MTUS2: variants seen among roughly 807,000 people sequenced by gnomAD.
MTUS2 encodes microtubule associated scaffold protein 2, also known as microtubule-associated tumor suppressor candidate 2.
Under a neutral mutation model 114.1 loss-of-function variants are expected in MTUS2, and 40 were observed. That is an observed-to-expected ratio of 0.35 (90% CI 0.27 to 0.46). MTUS2 has a LOEUF of 0.46. Ranked by LOEUF, MTUS2 falls within the 20% of genes least tolerant of loss-of-function variation. The pLI is 1.00. For missense variants in MTUS2, 1,679 were observed against 1,705.4 expected, an observed-to-expected ratio of 0.98 and a Z score of 0.27; for synonymous variants, 688 against 672.0, an observed-to-expected ratio of 1.02 and a Z score of -0.37.
chr13:28,875,211 C>T (rs563867716), intron 2 of MTUS2, among the ~76,000 whole-genome samples: 1 of 151,914 alleles, frequency 6.6e-6, no homozygotes, highest in Non-Finnish European at 1.5e-5. Context: ...ATAATGGATG[C>T]TCAGTAAAAA....
chr13:28,912,278 C>A (rs1206541898), intron 2 of MTUS2, among the ~76,000 whole-genome samples: 1 of 152,122 alleles, frequency 6.6e-6, no homozygotes, highest in Admixed American at 6.6e-5. Flanking sequence ...ACCCTTTCCC[C>A]ATTACTTGTT....
intron 2 of MTUS2, among the ~76,000 whole-genome samples, chr13:28,923,361 T>C (rs327122): frequency 0.87 from 132,846 of 152,216 alleles, 58,217 homozygotes; most frequent in East Asian, 0.91. Context: ...GACATTTTGG[T>C]TATTCCATTG....
intron 4 of MTUS2, among the ~76,000 whole-genome samples, chr13:29,050,159 C>A (rs1445575818): frequency 6.6e-6 from 1 of 152,148 alleles, no homozygotes; most frequent in African/African-American, 2.4e-5. Context: ...GAGCCTGGGT[C>A]CCTAGGAAAC....
intron 4 of MTUS2, among the ~76,000 whole-genome samples, chr13:29,041,658 C>T (rs770431544): frequency 6.6e-6 from 1 of 151,868 alleles, no homozygotes; most frequent in Non-Finnish European, 1.5e-5. Context: ...AGGTCTTTCC[C>T]CTCTTTGGTT....
chr13:28,832,197 C>G (rs942954595), intron 1 of MTUS2, among the ~76,000 whole-genome samples: 1 of 152,164 alleles, frequency 6.6e-6, no homozygotes, highest in African/African-American at 2.4e-5. Context: ...ACACTTCACC[C>G]AGTGGTAGCA....
intron 3 of MTUS2, among the ~76,000 whole-genome samples, chr13:29,030,993 C>T (rs17571928): frequency 0.45 from 68,936 of 151,896 alleles, 16,459 homozygotes; most frequent in South Asian, 0.72. Context: ...AACAGGTGCC[C>T]TCTGCCACTG....
At chr13:29,111,934 A>T (rs145177449) in intron 5 of MTUS2, among the ~76,000 whole-genome samples, 1 of 152,300 alleles carries the variant, frequency 6.6e-6, no homozygotes, top group Non-Finnish European at 1.5e-5. Context: ...CACACTGTGT[A>T]CAGGAAGAGA....
chr13:29,349,245 A>C (rs993478726), intron 7 of MTUS2, among the ~76,000 whole-genome samples: 3 of 151,904 alleles, frequency 2.0e-5, no homozygotes, highest in African/African-American at 7.2e-5. Context: ...CATTAGTTTT[A>C]ACATTCTAGC....
chr13:29,502,336 T>C (rs909376036), intron 15 of MTUS2, among the ~76,000 whole-genome samples: 15 of 152,270 alleles, frequency 9.9e-5, no homozygotes, highest in African/African-American at 3.6e-4. Context: ...TTCGGATTCA[T>C]TTTTTCACCC....
At chr13:29,398,162 C>T (rs1874049392) in intron 8 of MTUS2, among the ~76,000 whole-genome samples, 1 of 152,012 alleles carries the variant, frequency 6.6e-6, no homozygotes, top group Non-Finnish European at 1.5e-5. Context: ...AAAGGTCATG[C>T]TGAAGCAAAG....
intron 8 of MTUS2, among the ~76,000 whole-genome samples, chr13:29,376,101 A>T (rs1217158695): frequency 1.3e-5 from 2 of 152,150 alleles, no homozygotes; most frequent in African/African-American, 4.8e-5. Flanking sequence ...ATGATACCAG[A>T]AGAAAACTTA....
intron 7 of MTUS2, among the ~76,000 whole-genome samples, chr13:29,348,869 C>T (rs187849861): frequency 4.3e-4 from 66 of 152,286 alleles, no homozygotes; most frequent in Non-Finnish European, 8.4e-4. Context: ...AGAGCCACTT[C>T]AGCTTTCTCT....
intron 2 of MTUS2, among the ~76,000 whole-genome samples, chr13:28,840,346 C>T (rs1256072086): frequency 6.6e-6 from 1 of 152,166 alleles, no homozygotes; most frequent in Non-Finnish European, 1.5e-5. Context: ...CTTTAGTAAA[C>T]AGCCAAGACC....
At chr13:29,471,538 A>C (rs1005313234) in intron 9 of MTUS2, among the ~76,000 whole-genome samples, 4 of 152,092 alleles carry the variant, frequency 2.6e-5, no homozygotes, top group African/African-American at 9.7e-5. Context: ...GAGGATAGCA[A>C]CTGTCCTTGC....
chr13:28,947,213 G>A (rs75573550), intron 2 of MTUS2, among the ~76,000 whole-genome samples: 239 of 152,136 alleles, frequency 1.6e-3, no homozygotes, highest in African/African-American at 5.5e-3. Context: ...TTATGTTTTG[G>A]CTGTTAAGAA....
intron 2 of MTUS2, among the ~76,000 whole-genome samples, chr13:28,990,972 G>C (rs1272580260): frequency 2.0e-5 from 3 of 152,124 alleles, no homozygotes; most frequent in Admixed American, 6.5e-5. Flanking sequence ...CGAGGTCTGC[G>C]GCTTCATTCT....
At chr13:29,120,748 C>T (rs1267026645) in intron 5 of MTUS2, among the ~76,000 whole-genome samples, 2 of 152,078 alleles carry the variant, frequency 1.3e-5, no homozygotes, top group Non-Finnish European at 2.9e-5. Flanking sequence ...CCTTGGGGTC[C>T]GATGTGCATT....
At chr13:29,080,064 T>C (rs770288882) in intron 4 of MTUS2, among the ~76,000 whole-genome samples, 2 of 152,212 alleles carry the variant, frequency 1.3e-5, no homozygotes, top group Admixed American at 1.3e-4. Context: ...TATTCTTAAA[T>C]TATTTCAACA....
intron 5 of MTUS2, among the ~76,000 whole-genome samples, chr13:29,277,985 G>A (rs542586330): frequency 6.6e-6 from 1 of 152,290 alleles, no homozygotes; most frequent in East Asian, 1.9e-4. Context: ...AAATTTTGGG[G>A]TTGTTTATGG....
Sources: allele counts gnomAD v4.1 joint callset (sites outside exome capture counted in the v4.1 genomes callset), GRCh38; gene constraint gnomAD v4.1.1; transcripts MANE v1.5; gene names NCBI Gene and HGNC (gene_info 2026-07-23, HGNC 2026-07-21).